Variants in INTS4 observed in about 807,000 individuals in gnomAD.
The protein encoded by INTS4 is MSTP093.
In INTS4, 70 loss-of-function variants were observed where a neutral mutation model predicts 119.5. That is an observed-to-expected ratio of 0.59 (90% CI 0.48 to 0.71). INTS4 has a LOEUF of 0.71. INTS4 is among the 30% of genes least tolerant of loss of function. The pLI, the probability that INTS4 is intolerant of heterozygous loss-of-function variation, is 0.00. For synonymous variants in INTS4, 316 were observed against 419.6 expected, an observed-to-expected ratio of 0.75 and a Z score of 3.02; for missense variants, 867 against 1,173.2, an observed-to-expected ratio of 0.74 and a Z score of 3.81.
intron 4 of INTS4, 32 bp from the exon 5 acceptor site, chr11:77,961,170 A>C: frequency 2.0e-6 from 3 of 1,522,242 alleles, no homozygotes; most frequent in Non-Finnish European, 2.6e-6. Context: ...AGAAAAAAAG[A>C]AAAAGAAAAA....
At chr11:77,915,164 T>A (rs1418525008) in intron 15 of INTS4, 1 of 158,364 alleles carries the variant, frequency 6.3e-6, no homozygotes, top group Non-Finnish European at 1.4e-5. Context: ...TCACTCAAGC[T>A]TTGTTTCTTG....
chr11:77,878,361 CA>C (rs35818983), downstream of INTS4, among the ~76,000 whole-genome samples: 686 of 126,598 alleles, frequency 5.4e-3, 2 homozygotes, highest in African/African-American at 9.2e-3. Flanking sequence ...GACTCCATCT[CA>C]AAAAAAAAAA....
Position 77,894,346 on chromosome 11 carries a change from A to C in INTS4, c.2232T>G (p.Leu744=). 1 of 1,541,428 alleles carries C rather than the reference A, an allele frequency of 6.5e-7. No individual in the cohort carries two copies. Among genetic ancestry groups the C allele is most frequent in the Non-Finnish European group, 8.9e-7 (1 of 1,126,856 alleles). The change falls in exon 19 of 23, where the codon CTT becomes CTG. Residue 744 remains leucine, a synonymous_variant. Coordinates refer to ENST00000534064, the MANE Select transcript of INTS4 (RefSeq NM_033547.4). ...TTTCACACATCCCAAATAAGGGGTCAAGTCTGTAGAAAAGAAATGTAAAAT... is the reference window on the plus strand; with the variant it reads ...TTTCACACATCCCAAATAAGGGGTCCAGTCTGTAGAAAAGAAATGTAAAAT... ...LIVTARTTRG[L]DPLFGMCEKF... is the part of the protein sequence containing the mutation.
chr11:77,955,631 G>C (rs1017796284), intron 8 of INTS4, among the ~76,000 whole-genome samples: 1 of 152,086 alleles, frequency 6.6e-6, no homozygotes, highest in Non-Finnish European at 1.5e-5. Context: ...GAGTAGCTGG[G>C]ATTACAGGCG....
chr11:77,903,645 C>G lies in INTS4; in HGVS notation c.2017-25G>C, dbSNP rs1472074838. ...CCTACGCAGACAAATCAGGAGGGAA[C>G]AGAATACCGAGGTCACAAAGACTGG... On this transcript the variant is annotated intron_variant, in intron 16 of 22. Transcript: ENST00000534064. 7 of 1,587,902 alleles carry G rather than the reference C, an allele frequency of 4.4e-6. No individual in the cohort carries two copies. In the East Asian group the frequency reaches 1.3e-4, roughly 30 times the overall value.
At chr11:77,888,094 A>C (rs1259000442) in intron 21 of INTS4, among the ~76,000 whole-genome samples, 1 of 152,214 alleles carries the variant, frequency 6.6e-6, no homozygotes, top group East Asian at 1.9e-4. Context: ...ATATGGAACC[A>C]AAAAAGAGCC....
At chr11:77,942,743 C>G (rs12292039) in intron 8 of INTS4, among the ~76,000 whole-genome samples, 29,096 of 152,032 alleles carry the variant, frequency 0.19, 2,828 homozygotes, top group Middle Eastern at 0.23. Flanking sequence ...GGAGCAGGTC[C>G]TAGACATTAA....
At chr11:77,895,527 GAAAAAAAAAA>G (rs71046921) in intron 18 of INTS4, among the ~76,000 whole-genome samples, 1,523 of 39,254 alleles carry the variant, frequency 0.039, 45 homozygotes, top group South Asian at 0.13. Flanking sequence ...TTCTTTTCCT[GAAAAAAAAAA>G]AAAAAAAAAA....
At chr11:77,970,148 GCA>G (rs1165511914) in intron 4 of INTS4, among the ~76,000 whole-genome samples, 6 of 152,180 alleles carry the variant, frequency 3.9e-5, no homozygotes, top group African/African-American at 1.4e-4. Flanking sequence ...TGTAATCCCA[GCA>G]CTTTGGGAGG....
chr11:77,890,230 A>T (rs2136388398), intron 21 of INTS4, among the ~76,000 whole-genome samples: 1 of 152,328 alleles, frequency 6.6e-6, no homozygotes, highest in South Asian at 2.1e-4. Context: ...CAGGTCTCAT[A>T]ATTTTTAATA....
intron 8 of INTS4, 86 bp from the exon 9 acceptor site, chr11:77,941,337 G>C: frequency 1.3e-6 from 2 of 1,485,902 alleles, no homozygotes; most frequent in Non-Finnish European, 1.8e-6. Context: ...GACAATTTAA[G>C]TGCATAAAGA....
At chr11:77,939,445 A>C (rs1464087509) in intron 9 of INTS4, among the ~76,000 whole-genome samples, 1 of 152,036 alleles carries the variant, frequency 6.6e-6, no homozygotes, top group Admixed American at 6.6e-5. Flanking sequence ...TCCGCCTCAA[A>C]AAAAAAATTA....
intron 18 of INTS4, among the ~76,000 whole-genome samples, chr11:77,900,358 C>CA (rs1272910064): frequency 6.6e-6 from 1 of 152,148 alleles, no homozygotes; most frequent in Non-Finnish European, 1.5e-5. Flanking sequence ...CTTGGCCTCC[C>CA]AAAGTGCTGG....
At chr11:77,937,291 A>T (rs1398480057) in intron 10 of INTS4, among the ~76,000 whole-genome samples, 2 of 152,266 alleles carry the variant, frequency 1.3e-5, no homozygotes, top group Non-Finnish European at 2.9e-5. Flanking sequence ...ACATGACATG[A>T]ACTGTACTAT....
intron 16 of INTS4, among the ~76,000 whole-genome samples, chr11:77,904,525 T>G (rs1420732395): frequency 6.6e-6 from 1 of 152,228 alleles, no homozygotes; most frequent in Non-Finnish European, 1.5e-5. Flanking sequence ...CAGTGTGTAT[T>G]TTGCACTTAA....
chr11:77,944,029 T>C (rs1469235150), intron 8 of INTS4, among the ~76,000 whole-genome samples: 2 of 152,212 alleles, frequency 1.3e-5, no homozygotes, highest in African/African-American at 4.8e-5. Context: ...CTTATAAAAG[T>C]AGTGACTGTA....
At chr11:77,921,037 G>A (rs1380849405) in intron 14 of INTS4, among the ~76,000 whole-genome samples, 3 of 151,964 alleles carry the variant, frequency 2.0e-5, no homozygotes, top group African/African-American at 7.2e-5. Context: ...ATAAAACAAT[G>A]GCAAAGAGCC....
chr11:77,916,756 C>T (rs1300110711), intron 15 of INTS4, among the ~76,000 whole-genome samples: 1 of 152,226 alleles, frequency 6.6e-6, no homozygotes, highest in Non-Finnish European at 1.5e-5. Context: ...GTGAAGCATC[C>T]CTCACCACCA....
intron 7 of INTS4, among the ~76,000 whole-genome samples, chr11:77,956,796 C>T (rs1450873693): frequency 1.3e-5 from 2 of 150,412 alleles, no homozygotes; most frequent in Non-Finnish European, 3.0e-5. Flanking sequence ...GCTGCAGGCT[C>T]AATAAACTGA....
Sources: allele counts gnomAD v4.1 joint callset (sites outside exome capture counted in the v4.1 genomes callset), GRCh38; gene constraint gnomAD v4.1.1; transcripts MANE v1.5; gene names NCBI Gene and HGNC (gene_info 2026-07-23, HGNC 2026-07-21).